Variants in LRMDA observed in about 807,000 individuals in gnomAD.
The protein encoded by LRMDA is leucine rich melanocyte differentiation associated.
A neutral mutation model predicts 29.8 loss-of-function variants in LRMDA; 18 were observed. That is an observed-to-expected ratio of 0.60 (90% CI 0.42 to 0.90). The LOEUF is 0.90. Among genes scored for constraint, LRMDA ranks in the 40% least tolerant of loss-of-function variants. The pLI is 0.00. For synonymous variants in LRMDA, 125 were observed against 109.4 expected, an observed-to-expected ratio of 1.14 and a Z score of -0.89; for missense variants, 273 against 273.9, an observed-to-expected ratio of 1.00 and a Z score of 0.02.
chr10:75,691,228 ATGTGTG>A (rs951387569), intron 2 of LRMDA, among the ~76,000 whole-genome samples: 30 of 139,094 alleles, frequency 2.2e-4, no homozygotes, highest in African/African-American at 7.0e-4. Flanking sequence ...ATACACATAT[ATGTGTG>A]TGTGTGTGTA....
chr10:76,047,881 C>T (rs1848466795), intron 4 of LRMDA, among the ~76,000 whole-genome samples: 1 of 152,244 alleles, frequency 6.6e-6, no homozygotes, highest in Non-Finnish European at 1.5e-5. Flanking sequence ...TGGCGCCCAC[C>T]AGCCATGCGC....
chr10:75,535,608 C>A (rs1217603234), intron 2 of LRMDA, among the ~76,000 whole-genome samples: 1 of 152,050 alleles, frequency 6.6e-6, no homozygotes, highest in African/African-American at 2.4e-5. Context: ...ACCAAAGAAC[C>A]CTTAGATCAT....
chr10:76,196,866 G>A (rs1851339613), intron 5 of LRMDA, among the ~76,000 whole-genome samples: 1 of 152,236 alleles, frequency 6.6e-6, no homozygotes, highest in African/African-American at 2.4e-5. Flanking sequence ...CTACCTTTGT[G>A]ACATCTAGCT....
At chr10:76,098,531 C>T (rs998603547) in intron 5 of LRMDA, among the ~76,000 whole-genome samples, 2 of 152,024 alleles carry the variant, frequency 1.3e-5, no homozygotes, top group South Asian at 4.2e-4. Context: ...TCTGTATTAG[C>T]GTCCCATCTT....
At chr10:75,469,702 T>C (rs1476935515) in intron 2 of LRMDA, among the ~76,000 whole-genome samples, 5 of 152,136 alleles carry the variant, frequency 3.3e-5, no homozygotes, top group African/African-American at 1.2e-4. Context: ...TTCCTTGGAG[T>C]TGCAGAACAA....
intron 2 of LRMDA, among the ~76,000 whole-genome samples, chr10:75,506,978 G>A (rs1352327050): frequency 6.6e-6 from 1 of 152,166 alleles, no homozygotes; most frequent in African/African-American, 2.4e-5. Flanking sequence ...CTTGGGGAGA[G>A]TTGTGCTGTG....
chr10:75,946,337 A>G (rs1429512132), intron 2 of LRMDA, among the ~76,000 whole-genome samples: 2 of 152,190 alleles, frequency 1.3e-5, no homozygotes, highest in African/African-American at 4.8e-5. Context: ...GTCACGCTAG[A>G]TAACTTTTTT....
chr10:75,641,390 T>A (rs1841450952), intron 2 of LRMDA, among the ~76,000 whole-genome samples: 1 of 134,464 alleles, frequency 7.4e-6, no homozygotes, highest in South Asian at 2.7e-4. Context: ...TACATTAATA[T>A]GTGGATATGT....
chr10:75,690,219 C>T (rs1350511434), intron 2 of LRMDA, among the ~76,000 whole-genome samples: 2 of 152,158 alleles, frequency 1.3e-5, no homozygotes, highest in African/African-American at 4.8e-5. Context: ...TACTTATATC[C>T]TCCTTATATG....
At chr10:76,146,983 T>G (rs1236467969) in intron 5 of LRMDA, among the ~76,000 whole-genome samples, 2 of 152,200 alleles carry the variant, frequency 1.3e-5, no homozygotes, top group African/African-American at 4.8e-5. Context: ...GGGTTGAAAA[T>G]TCTTTTCTTA....
chr10:75,987,290 A>G (rs1416026327), intron 2 of LRMDA, among the ~76,000 whole-genome samples: 1 of 152,206 alleles, frequency 6.6e-6, no homozygotes, highest in Non-Finnish European at 1.5e-5. Flanking sequence ...GGGTCAACTT[A>G]GATCAAGGTT....
At chr10:76,095,929 C>T (rs577099757) in intron 5 of LRMDA, among the ~76,000 whole-genome samples, 4 of 146,962 alleles carry the variant, frequency 2.7e-5, no homozygotes, top group South Asian at 2.2e-4. Context: ...TGGGAGACAG[C>T]GAGACTCCGT....
chr10:76,051,064 A>T (rs1475193247), intron 4 of LRMDA, among the ~76,000 whole-genome samples: 1 of 152,160 alleles, frequency 6.6e-6, no homozygotes, highest in Non-Finnish European at 1.5e-5. Context: ...GTTCCCCTGC[A>T]TGGAGCAGCC....
At chr10:75,496,716 C>T (rs936809901) in intron 2 of LRMDA, among the ~76,000 whole-genome samples, 5 of 152,104 alleles carry the variant, frequency 3.3e-5, no homozygotes, top group African/African-American at 7.2e-5. Flanking sequence ...AGCATACTTT[C>T]GGAAGTGCAG....
intron 6 of LRMDA, among the ~76,000 whole-genome samples, chr10:76,363,129 GA>G (rs1173979849): frequency 5.2e-5 from 1 of 19,058 alleles, no homozygotes; most frequent in African/African-American, 2.1e-4. Flanking sequence ...AAGAAAGAAA[GA>G]AAGAAAGAAA....
At chr10:76,222,765 G>C (rs1481041715) in intron 5 of LRMDA, among the ~76,000 whole-genome samples, 3 of 152,174 alleles carry the variant, frequency 2.0e-5, no homozygotes, top group African/African-American at 7.2e-5. Context: ...CCCATTACTG[G>C]GTATATACCC....
chr10:75,759,191 T>C (rs1431650368), intron 2 of LRMDA, among the ~76,000 whole-genome samples: 1 of 152,222 alleles, frequency 6.6e-6, no homozygotes, highest in Non-Finnish European at 1.5e-5. Context: ...TGCTGCACTA[T>C]GTAGTTAAAC....
chr10:76,421,778 A>G (rs1370767965), intron 6 of LRMDA, among the ~76,000 whole-genome samples: 2 of 152,068 alleles, frequency 1.3e-5, no homozygotes, highest in Non-Finnish European at 2.9e-5. Flanking sequence ...TTTCTTTTGT[A>G]GCTTGTTATC....
intron 2 of LRMDA, among the ~76,000 whole-genome samples, chr10:75,978,418 G>A (rs1847111024): frequency 6.6e-6 from 1 of 152,196 alleles, no homozygotes; most frequent in Non-Finnish European, 1.5e-5. Context: ...GAACAAACAG[G>A]AGTCTCATTA....
Sources: gnomAD v4.1 joint callset for allele counts (sites outside exome capture counted in the v4.1 genomes callset) on GRCh38, gnomAD v4.1.1 for gene constraint, MANE v1.5 for transcripts, NCBI Gene and HGNC (gene_info 2026-07-23, HGNC 2026-07-21) for gene names.